Variants in RIF1 observed in about 807,000 individuals in gnomAD.
RIF1 encodes replication timing regulatory factor 1, also known as telomere-associated protein RIF1.
In RIF1, 45 loss-of-function variants were observed where a neutral mutation model predicts 247.1. The ratio of observed to expected loss-of-function variants is 0.18; its 90% CI spans 0.14 to 0.23. The LOEUF (loss-of-function observed/expected upper bound fraction) is 0.23. RIF1 is among the 10% of genes least tolerant of loss of function. RIF1 has a pLI of 1.00. For missense variants in RIF1, 2,967 were observed against 2,862.5 expected (o/e 1.04, Z -0.83); for synonymous variants, 1,087 against 978.8 (o/e 1.11, Z -2.06).
At position 151,497,281 on chromosome 2, in the gene RIF1, ATT is replaced by A. The variant is rs376283107; in HGVS notation, c.*513+1965_*513+1966del. 2.9e-4 allele frequency: 216 copies of A among 752,232 alleles called. 1 individual carries two copies. In the African/African-American group the frequency reaches 3.9e-3, roughly 13 times the overall value. The allele number at this position is 752,232 out of a possible 1,614,324, so 46.6% of individuals were successfully genotyped here. A position where few individuals can be genotyped will look rare whatever the true frequency, so the allele number is the denominator to read the frequency against. The stretch of plus-strand genomic sequence containing the variant: ...AAAGGCTGTCAGAGTTATCCATGTT[ATT>A]TTTTTTTTTCCTTTTTTGTGAGTAC... On this transcript the variant is annotated intron_variant and NMD_transcript_variant, in intron 10 of 13. Transcript: ENST00000454583.
At position 151,479,538 on chromosome 2, in the gene RIF1, T is replaced by C. The variant is rs1030678231; in HGVS notation, c.*4467T>C. The C allele has an allele frequency of 4.1e-4, 62 of 152,206 alleles. No individual in the cohort carries two copies. Among genetic ancestry groups the C allele is most frequent in the African/African-American group, 1.5e-3 (61 of 41,448 alleles). 9.4% of individuals were successfully genotyped at this position (152,206 alleles called of 1,614,324 possible). ...ATCAACACTACCCCTAATATTAATCTGGCAGTTAAATTTAGTAGTGCTATA... is the reference window on the plus strand; with the variant it reads ...ATCAACACTACCCCTAATATTAATCCGGCAGTTAAATTTAGTAGTGCTATA... On this transcript the variant is annotated 3_prime_UTR_variant, in exon 36 of 36. Coordinates refer to ENST00000444746, the MANE Select transcript of RIF1 (RefSeq NM_018151.5).
the RIF1 span, chr2:151,529,184 T>C: frequency 1.4e-6 from 2 of 1,480,958 alleles, no homozygotes; most frequent in Non-Finnish European, 1.9e-6. Context: ...TCCCCCACCA[T>C]GCTTGGGGAA....
At chr2:151,416,476 A>T (rs1422741010) in intron 4 of RIF1, 85 bp from the exon 5 acceptor site, 2 of 1,163,060 alleles carry the variant, frequency 1.7e-6, no homozygotes, top group African/African-American at 1.6e-5. Flanking sequence ...ATGATTGATG[A>T]GTATATTGTT....
At chr2:151,424,570 A>G (rs1688684703) in intron 8 of RIF1, among the ~76,000 whole-genome samples, 1 of 152,136 alleles carries the variant, frequency 6.6e-6, no homozygotes, top group South Asian at 2.1e-4. Flanking sequence ...CCAGTGTACA[A>G]ATCTGTTGGA....
chr2:151,421,961 A>G (rs1485284373), intron 7 of RIF1, among the ~76,000 whole-genome samples: 2 of 151,822 alleles, frequency 1.3e-5, no homozygotes, highest in African/African-American at 4.8e-5. Flanking sequence ...CAGCAGGAGT[A>G]GCTGGGATTA....
At chr2:151,513,693 T>G in the RIF1 span, 2 of 1,585,960 alleles carry the variant, frequency 1.3e-6, no homozygotes, top group South Asian at 2.3e-5. Flanking sequence ...TTATATTCTT[T>G]CTATAGTAGC....
At chr2:151,446,102 G>A (rs1356348620) in intron 19 of RIF1, among the ~76,000 whole-genome samples, 1 of 152,046 alleles carries the variant, frequency 6.6e-6, no homozygotes, top group Admixed American at 6.6e-5. Flanking sequence ...TACCTCCTGG[G>A]TTCAAGCAAT....
In RIF1 at chr2:151,434,224, C is replaced by A. The variant is rs112679059; in HGVS notation, c.1077+996C>A. 1.0e-3 allele frequency among the ~76,000 whole-genome samples: 156 copies of A among 151,424 alleles called. 1 individual carries two copies. The highest frequency in any genetic ancestry group is 3.6e-3 in the African/African-American group (150 of 41,326). On this transcript the variant is annotated intron_variant, in intron 10 of 35. Transcript: ENST00000444746. ...TACACTGGGTAGATACAAGGTTGGA[C>A]CAGTTCTTGTTTTTTTATTTCTTGC... is the stretch of plus-strand genomic sequence containing the variant.
Position 151,466,037 on chromosome 2 carries a change from C to G in RIF1, c.6517C>G (p.Pro2173Ala). 1 of 1,613,672 alleles carries G rather than the reference C, an allele frequency of 6.2e-7. No homozygotes were observed. The highest frequency in any genetic ancestry group is 1.3e-5 in the African/African-American group (1 of 74,992). The stretch of plus-strand genomic sequence containing the variant: ...CATGCAGACACGCTGTGTCTGGTCT[C>G]CTTTGGCTTCTCCGTCTACGAGCAT... Reference protein sequence around the residue: ...SGMQTRCVWSPLASPSTSILK... With the variant: ...SGMQTRCVWSALASPSTSILK... Residue 2173 changes from proline (P) to alanine (A), a missense_variant, in exon 30 of 36, where the codon CCT becomes GCT. Transcript: ENST00000444746.
rs541983672 is a variant in RIF1, at chr2:151,463,553, C to T, written c.4033C>T (p.Leu1345Phe). The T allele has an allele frequency of 6.2e-7, 1 of 1,613,960 alleles. No homozygotes were observed. Among genetic ancestry groups the T allele is most frequent in the Admixed American group, 1.7e-5 (1 of 60,020 alleles). Residue 1345 changes from leucine to phenylalanine, a missense_variant, in exon 30 of 36, where the codon CTT (leucine) becomes TTT (phenylalanine). Physicochemically the swap from Leu to Phe is conservative, Grantham distance 22 (BLOSUM62 0). Transcript: ENST00000444746. ...ATGTGTGTCAGATAATCAGGTTCAT[C>T]TTTCTGAATCTACAATGGAGCATGA... ...TECVSDNQVH[L>F]SESTMEHDNT...
chr2:151,499,383 T>TACAAC lies in RIF1; in HGVS notation c.*555_*559dup, dbSNP rs772009599. The stretch of plus-strand genomic sequence containing the variant: ...AATCCCTTTTCCAACGTTTTCTTTA[T>TACAAC]ACAACACCTGTATGACACAAGAAAG... On this transcript the variant is annotated 3_prime_UTR_variant and NMD_transcript_variant, in exon 11 of 14. Coordinates refer to the RIF1 transcript ENST00000454583. The TACAAC allele has an allele frequency of 1.4e-5, 22 of 1,529,896 alleles. No individual in the cohort carries two copies. Among genetic ancestry groups the TACAAC allele is most frequent in the African/African-American group, 2.8e-5 (2 of 72,562 alleles). The allele number at this position is 1,529,896 out of a possible 1,614,324, so 94.8% of individuals were successfully genotyped here.
intron 9 of RIF1, chr2:151,493,939 G>A: frequency 1.8e-6 from 2 of 1,138,530 alleles, no homozygotes; most frequent in East Asian, 2.6e-5. Flanking sequence ...TGCAAGTTGG[G>A]GGGAAATGTT....
chr2:151,485,673 G>A, downstream of RIF1: 2 of 1,296,266 alleles, frequency 1.5e-6, no homozygotes, highest in Non-Finnish European at 2.1e-6. Flanking sequence ...GGCAGCTTGA[G>A]AACTTAGGTA....
At chr2:151,411,422 G>A in intron 3 of RIF1, 84 bp downstream of exon 3, 1 of 893,560 alleles carries the variant, frequency 1.1e-6, no homozygotes, top group South Asian at 1.6e-5. Context: ...TTGAGGTGTA[G>A]TTTTGCTCTT....
chr2:151,457,191 G>A (rs774396459), intron 23 of RIF1, among the ~76,000 whole-genome samples: 5 of 151,734 alleles, frequency 3.3e-5, no homozygotes, highest in African/African-American at 7.3e-5. Context: ...GCACGATCAC[G>A]GCTTACCACA....
Position 151,437,289 on chromosome 2 carries a change from A to G in RIF1, c.1421A>G (p.His474Arg). 6.2e-7 allele frequency: 1 copy of G among 1,613,806 alleles called. No individual in the cohort carries two copies. Reference protein sequence around the residue: ...LISSPSFFSKHANTLITAVHD... With the variant: ...LISSPSFFSKRANTLITAVHD... ...AGCAGCCCTTCCTTTTTTTCCAAAC[A>G]TGCAAATACACTTATCACTGCTGTT... Residue 474 changes from histidine (H) to arginine (R), a missense_variant, in exon 13 of 36, where the codon CAT becomes CGT. Coordinates refer to ENST00000444746, the MANE Select transcript of RIF1 (RefSeq NM_018151.5).
At chr2:151,514,507 C>T in the RIF1 span, 2 of 1,160,852 alleles carry the variant, frequency 1.7e-6, no homozygotes, top group South Asian at 1.2e-5. Context: ...AAATAAAAAA[C>T]AATTCCAATT....
At chr2:151,440,207 C>A in intron 15 of RIF1, 80 bp downstream of exon 15, 1 of 811,528 alleles carries the variant, frequency 1.2e-6, no homozygotes, top group Non-Finnish European at 2.0e-6. Flanking sequence ...TTGCACAAAT[C>A]TAGTTTGGGA....
chr2:151,446,406 T>G lies in RIF1; in HGVS notation c.2095-20T>G. On this transcript the variant is annotated intron_variant, in intron 19 of 35. Transcript: ENST00000444746. Reference sequence around the variant, plus strand: ...ATAGGTATATATTAACAAAACTTCTTTTTTTGTTGTTATTGGTAGGCCACC... The same window carrying G: ...ATAGGTATATATTAACAAAACTTCTGTTTTTGTTGTTATTGGTAGGCCACC... 1 of 1,609,800 alleles carries G rather than the reference T, an allele frequency of 6.2e-7. No homozygotes were observed. The highest frequency in any genetic ancestry group is 2.2e-5 in the East Asian group (1 of 44,850).
Sources: gnomAD v4.1 joint callset for allele counts (sites outside exome capture counted in the v4.1 genomes callset) on GRCh38, gnomAD v4.1.1 for gene constraint, MANE v1.5 for transcripts, NCBI Gene and HGNC (gene_info 2026-07-23, HGNC 2026-07-21) for gene names.